The following CMIP variants were observed in gnomAD, a reference collection of about 807,000 sequenced individuals.
The protein encoded by CMIP is C-Maf-inducing protein.
CMIP carries 13 observed loss-of-function variants against 97.3 expected under a neutral mutation model. The observed-to-expected ratio is 0.13, with a 90% CI of 0.09 to 0.21. The LOEUF (loss-of-function observed/expected upper bound fraction) is 0.21, where lower values mean the gene tolerates loss of function less well. CMIP is among the 10% of genes least tolerant of loss of function. CMIP has a pLI of 1.00. For missense variants in CMIP, 847 were observed against 1,024.9 expected (o/e 0.83, Z 2.37); for synonymous variants, 538 against 436.3 (o/e 1.23, Z -2.91).
chr16:81,644,892 C>G (rs141086918), intron 3 of CMIP, among the ~76,000 whole-genome samples: 1 of 152,178 alleles, frequency 6.6e-6, no homozygotes, highest in African/African-American at 2.4e-5. Context: ...TCGGGCCGAA[C>G]GCAGTGCCAC....
intron 1 of CMIP, among the ~76,000 whole-genome samples, chr16:81,480,556 C>A (rs762336505): frequency 1.3e-5 from 2 of 152,086 alleles, no homozygotes; most frequent in Non-Finnish European, 2.9e-5. Context: ...ATAATAAAAT[C>A]TCCACCTGAG....
chr16:81,640,585 T>G (rs370805350), intron 3 of CMIP, among the ~76,000 whole-genome samples: 8 of 152,096 alleles, frequency 5.3e-5, no homozygotes, highest in African/African-American at 1.7e-4. Flanking sequence ...GGGCCAGATG[T>G]CCAAAATCAA....
At chr16:81,514,917 A>G (rs11861290) in intron 1 of CMIP, among the ~76,000 whole-genome samples, 30,436 of 152,156 alleles carry the variant, frequency 0.2, 3,715 homozygotes, top group Admixed American at 0.32. Flanking sequence ...CCACAGACCA[A>G]GTGGGGCGCT....
Position 81,558,245 on chromosome 16 carries a change from G to C in CMIP, c.301-49322G>C, listed in dbSNP as rs2090807260. ...CTCGGCCGTTAGAGATAGTGCTGCG[G>C]TGAATGCAGGCCGTGCTTCTCCATC... is the stretch of plus-strand genomic sequence containing the variant. On this transcript the variant is annotated intron_variant, in intron 1 of 20. Transcript: ENST00000537098. Among the ~76,000 whole-genome samples, 4 of 152,162 alleles carry C rather than the reference G, an allele frequency of 2.6e-5. 1 individual carries two copies. In the South Asian group the frequency reaches 8.3e-4, roughly 32 times the overall value.
At chr16:81,582,787 G>A (rs1473154802) in intron 1 of CMIP, among the ~76,000 whole-genome samples, 6 of 152,164 alleles carry the variant, frequency 3.9e-5, no homozygotes, top group African/African-American at 9.7e-5. Context: ...GAAGCAAGAG[G>A]GAACGCTTTC....
chr16:81,546,270 C>A (rs2090544891), intron 1 of CMIP, among the ~76,000 whole-genome samples: 1 of 152,128 alleles, frequency 6.6e-6, no homozygotes, highest in Non-Finnish European at 1.5e-5. Context: ...CCCATGGTGT[C>A]CTGGGAGAGC....
At chr16:81,569,648 G>T (rs1257080050) in intron 1 of CMIP, among the ~76,000 whole-genome samples, 1 of 152,228 alleles carries the variant, frequency 6.6e-6, no homozygotes, top group Non-Finnish European at 1.5e-5. Context: ...CGTTTCTACT[G>T]TGTAAATACT....
At chr16:81,513,731 T>C (rs2089857312) in intron 1 of CMIP, among the ~76,000 whole-genome samples, 1 of 152,234 alleles carries the variant, frequency 6.6e-6, no homozygotes, top group South Asian at 2.1e-4. Context: ...CCAAGCCGTT[T>C]TGCAAGGGAC....
intron 1 of CMIP, among the ~76,000 whole-genome samples, chr16:81,502,518 C>G (rs1478323054): frequency 6.6e-6 from 1 of 152,150 alleles, no homozygotes; most frequent in African/African-American, 2.4e-5. Flanking sequence ...TTCATTAACT[C>G]ATTCGCTCAG....
At chr16:81,465,299 T>G (rs138838902) in intron 1 of CMIP, among the ~76,000 whole-genome samples, 57 of 152,338 alleles carry the variant, frequency 3.7e-4, no homozygotes, top group African/African-American at 1.3e-3. Flanking sequence ...GTCTTTGGTG[T>G]TGTGGGCTGG....
At chr16:81,561,048 G>A (rs974027631) in intron 1 of CMIP, among the ~76,000 whole-genome samples, 3 of 152,150 alleles carry the variant, frequency 2.0e-5, no homozygotes, top group African/African-American at 7.2e-5. Flanking sequence ...TTCACCTCCT[G>A]GGTTCAAGCA....
intron 1 of CMIP, among the ~76,000 whole-genome samples, chr16:81,512,375 C>G (rs1173354969): frequency 2.0e-5 from 3 of 152,198 alleles, no homozygotes; most frequent in Admixed American, 6.5e-5. Flanking sequence ...CCCCCATCAC[C>G]TTTCCTGCTC....
chr16:81,510,551 C>G (rs2089791641), intron 1 of CMIP, among the ~76,000 whole-genome samples: 1 of 152,084 alleles, frequency 6.6e-6, no homozygotes. Context: ...ACACAACCAG[C>G]CAGGCACAAA....
chr16:81,681,641 C>T (rs553509442), intron 10 of CMIP, among the ~76,000 whole-genome samples: 5 of 152,166 alleles, frequency 3.3e-5, no homozygotes, highest in African/African-American at 7.2e-5. Context: ...CTATTGAGGG[C>T]GAGATGCGTC....
chr16:81,698,063 C>G (rs1597266245), intron 14 of CMIP: 1 of 149,808 alleles, frequency 6.7e-6, no homozygotes, highest in African/African-American at 2.4e-5. Flanking sequence ...TGGCGGCTTC[C>G]CAGCCCGAGA....
intron 1 of CMIP, among the ~76,000 whole-genome samples, chr16:81,580,527 G>T (rs2091279049): frequency 6.6e-6 from 1 of 151,102 alleles, no homozygotes; most frequent in African/African-American, 2.4e-5. Context: ...TCTGCATCCT[G>T]GGTTCAAGCA....
At position 81,680,996 on chromosome 16, in the gene CMIP, C is replaced by G. The variant is rs1358335853; in HGVS notation, c.1388+2368C>G. On this transcript the variant is annotated intron_variant, in intron 10 of 20. Coordinates refer to ENST00000537098, the MANE Select transcript of CMIP (RefSeq NM_198390.3). ...CATGAATGGGGGCTCTGTTCTCCCC[C>G]ATCTGCGTCCAGACCCCCTGCCTGC... Among the ~76,000 whole-genome samples, 4 of 152,202 alleles carry G rather than the reference C, an allele frequency of 2.6e-5. No individual in the cohort carries two copies. The South Asian group carries it at 8.3e-4, about 31-fold the overall frequency.
rs758335602 is a variant in CMIP at position 81,523,312 on chromosome 16, A to G, written c.300+77771A>G. Among the ~76,000 whole-genome samples, 33 of 152,098 alleles carry G rather than the reference A, an allele frequency of 2.2e-4. 1 individual carries two copies. The highest frequency in any genetic ancestry group is 4.4e-4 in the Non-Finnish European group (30 of 68,024). ...TGGAGATCTCTCCGTTGATTCCTGA[A>G]TATCTAGTTCATTTCTTTTGATTAC... On this transcript the variant is annotated intron_variant, in intron 1 of 20. Transcript: ENST00000537098.
intron 1 of CMIP, among the ~76,000 whole-genome samples, chr16:81,540,434 C>G (rs538226057): frequency 6.6e-6 from 1 of 152,082 alleles, no homozygotes; most frequent in South Asian, 2.1e-4. Context: ...TCCCGAGTAG[C>G]TGAGACTACA....
Sources: gnomAD v4.1 joint callset for allele counts (sites outside exome capture counted in the v4.1 genomes callset) on GRCh38, gnomAD v4.1.1 for gene constraint, MANE v1.5 for transcripts, NCBI Gene and HGNC (gene_info 2026-07-23, HGNC 2026-07-21) for gene names.